The following SF3B6 variants were observed in gnomAD, a reference collection of about 807,000 sequenced individuals.
SF3B6 encodes SF3b 14 kDa subunit.
A neutral mutation model predicts 15.9 loss-of-function variants in SF3B6; 3 were observed. The ratio of observed to expected loss-of-function variants is 0.19; its 90% CI spans 0.09 to 0.49. SF3B6 has a LOEUF of 0.49. Ranked by LOEUF, SF3B6 falls within the 20% of genes least tolerant of loss-of-function variation. The pLI, the probability that SF3B6 is intolerant of heterozygous loss-of-function variation, is 0.97. For synonymous variants in SF3B6, 49 were observed against 51.1 expected, an observed-to-expected ratio of 0.96 and a Z score of 0.18; for missense variants, 71 against 154.3, an observed-to-expected ratio of 0.46 and a Z score of 2.86.
chr2:24,072,017 C>T (rs1285968553), intron 2 of SF3B6, among the ~76,000 whole-genome samples: 1 of 152,190 alleles, frequency 6.6e-6, no homozygotes, highest in East Asian at 1.9e-4. Flanking sequence ...GGATCTCACT[C>T]TGTCGCCCAG....
chr2:24,071,322 C>T (rs13392758), intron 2 of SF3B6, among the ~76,000 whole-genome samples: 6 of 152,156 alleles, frequency 3.9e-5, no homozygotes, highest in Non-Finnish European at 5.9e-5. Flanking sequence ...AGAAATGTTT[C>T]GGCTTGGCAC....
At chr2:24,069,876 A>G (rs780060611) in intron 2 of SF3B6, among the ~76,000 whole-genome samples, 3 of 152,224 alleles carry the variant, frequency 2.0e-5, no homozygotes, top group East Asian at 1.9e-4. Context: ...TAAAAACTTA[A>G]TAAGATTTTC....
intron 2 of SF3B6, among the ~76,000 whole-genome samples, chr2:24,072,046 G>C (rs992338753): frequency 4.6e-5 from 7 of 152,120 alleles, no homozygotes; most frequent in African/African-American, 1.7e-4. Context: ...GCAGTGGCAT[G>C]ATCTCGGCTC....
At chr2:24,072,510 C>T (rs1664673456) in intron 2 of SF3B6, among the ~76,000 whole-genome samples, 1 of 152,166 alleles carries the variant, frequency 6.6e-6, no homozygotes, top group Admixed American at 6.6e-5. Flanking sequence ...GGCTAATGTA[C>T]ACTGGGAAGG....
intron 3 of SF3B6, 103 bp from the exon 4 acceptor site, chr2:24,067,954 T>A (rs1033963801): frequency 1.1e-5 from 10 of 929,806 alleles, no homozygotes; most frequent in Non-Finnish European, 1.6e-5. Context: ...ACATATATCA[T>A]CACAGTACAG....
chr2:24,075,526 G>A (rs919864445), intron 1 of SF3B6, among the ~76,000 whole-genome samples: 4 of 151,200 alleles, frequency 2.6e-5, no homozygotes, highest in Admixed American at 6.6e-5. Flanking sequence ...ACCTCACTCG[G>A]CCTAACTTCA....
intron 2 of SF3B6, among the ~76,000 whole-genome samples, chr2:24,071,052 G>T (rs1664644504): frequency 6.6e-6 from 1 of 152,054 alleles, no homozygotes. Flanking sequence ...GAGTACAGTG[G>T]CATGATCTTG....
Position 24,067,604 on chromosome 2 carries a change from G to GT in SF3B6, c.*157dup. On this transcript the variant is annotated 3_prime_UTR_variant, in exon 4 of 4. Coordinates refer to ENST00000233468, the MANE Select transcript of SF3B6 (RefSeq NM_016047.4). ...TGAGGTGTTTCACAAAAAGCTACAA[G>GT]TTTATTAACATAATGTATTCCAATA... The GT allele has an allele frequency of 1.7e-6, 1 of 587,434 alleles. No individual in the cohort carries two copies. The highest frequency in any genetic ancestry group is 2.9e-6 in the Non-Finnish European group (1 of 339,988). The allele number at this position is 587,434 out of a possible 1,614,324, so 36.4% of individuals were successfully genotyped here.
intron 2 of SF3B6, among the ~76,000 whole-genome samples, chr2:24,070,261 GAC>G (rs1664633319): frequency 6.6e-6 from 1 of 152,110 alleles, no homozygotes; most frequent in African/African-American, 2.4e-5. Flanking sequence ...ATTTTTTTGA[GAC>G]AGAGTCAACC....
intron 2 of SF3B6, among the ~76,000 whole-genome samples, chr2:24,071,391 G>A (rs544474437): frequency 6.6e-5 from 10 of 152,166 alleles, no homozygotes; most frequent in Admixed American, 5.2e-4. Flanking sequence ...GATCACCTGA[G>A]GTCAGGAGTT....
At chr2:24,071,790 TAGA>T (rs986293533) in intron 2 of SF3B6, among the ~76,000 whole-genome samples, 1 of 152,010 alleles carries the variant, frequency 6.6e-6, no homozygotes, top group Non-Finnish European at 1.5e-5. Flanking sequence ...ACAAGGAAAA[TAGA>T]AGCACAAAGG....
chr2:24,074,210 C>T lies in SF3B6; in HGVS notation c.31-16G>A, dbSNP rs745611966. 2.0e-5 allele frequency: 27 copies of T among 1,357,634 alleles called. No individual in the cohort carries two copies. Among genetic ancestry groups the T allele is most frequent in the Admixed American group, 5.5e-5 (3 of 54,460 alleles). 84.1% of individuals were successfully genotyped at this position (1,357,634 alleles called of 1,614,324 possible). On this transcript the variant is annotated splice_polypyrimidine_tract_variant and intron_variant, in intron 1 of 3. Coordinates refer to ENST00000233468, the MANE Select transcript of SF3B6 (RefSeq NM_016047.4). The stretch of plus-strand genomic sequence containing the variant: ...GAAGTCGAATCTAAAATGAGAAATA[C>T]GTATTGTTATTATAATTAGGGGCAT...
chr2:24,070,145 C>T (rs1664631152), intron 2 of SF3B6, among the ~76,000 whole-genome samples: 1 of 152,140 alleles, frequency 6.6e-6, no homozygotes, highest in Admixed American at 6.6e-5. Flanking sequence ...GTGTCCCAGC[C>T]CTAATTATCA....
chr2:24,074,974 C>A (rs887595161), intron 1 of SF3B6, among the ~76,000 whole-genome samples: 1 of 151,676 alleles, frequency 6.6e-6, no homozygotes, highest in Non-Finnish European at 1.5e-5. Context: ...ACTAAAAATA[C>A]AAAAATTAGC....
chr2:24,074,010 G>A (rs142844862), intron 2 of SF3B6, 66 bp downstream of exon 2: 201 of 1,048,998 alleles, frequency 1.9e-4, no homozygotes, highest in Non-Finnish European at 2.7e-4. Flanking sequence ...TGGCCTCATC[G>A]TCAGCTATAA....
intron 2 of SF3B6, 91 bp downstream of exon 2, chr2:24,073,985 G>T: frequency 1.2e-6 from 1 of 811,234 alleles, no homozygotes; most frequent in Non-Finnish European, 2.1e-6. Context: ...TTGTCGCACT[G>T]CACACAGCAC....
chr2:24,071,279 C>T (rs1385745298), intron 2 of SF3B6, among the ~76,000 whole-genome samples: 1 of 152,362 alleles, frequency 6.6e-6, no homozygotes, highest in African/African-American at 2.4e-5. Context: ...GCGTGAGCCA[C>T]TGCGCCCAGC....
chr2:24,067,805 A>C lies in SF3B6; in HGVS notation c.335T>G (p.Leu112Arg). Residue 112 changes from leucine to arginine, a missense_variant, in exon 4 of 4, where the codon CTT (leucine) becomes CGT (arginine). Physicochemically the swap from Leu to Arg is moderately radical, Grantham distance 102. This residue lies in a region of SF3B6 where 52 missense variants were observed against 113.2 expected (regional missense o/e 0.46). Coordinates refer to ENST00000233468, the MANE Select transcript of SF3B6 (RefSeq NM_016047.4). ...DTKKKEEQLKLLKEKYGINTD... is the reference protein window; with the variant it reads ...DTKKKEEQLKRLKEKYGINTD... ...GTTGATGCCATATTTCTCCTTGAGA[A>C]GCTTCAACTGTTCCTCCTTCTTCTT... is the stretch of plus-strand genomic sequence containing the variant. 1 of 1,614,130 alleles carries C rather than the reference A, an allele frequency of 6.2e-7. No homozygotes were observed. The highest frequency in any genetic ancestry group is 8.5e-7 in the Non-Finnish European group (1 of 1,180,006).
chr2:24,072,121 C>T (rs1664661338), intron 2 of SF3B6, among the ~76,000 whole-genome samples: 1 of 152,008 alleles, frequency 6.6e-6, no homozygotes, highest in African/African-American at 2.4e-5. Context: ...TGAGTAATTG[C>T]ATTACAGGCG....
Sources: allele counts gnomAD v4.1 joint callset (sites outside exome capture counted in the v4.1 genomes callset), GRCh38; gene constraint gnomAD v4.1.1; regional missense constraint gnomAD v4.1.1; transcripts MANE v1.5; gene names NCBI Gene and HGNC (gene_info 2026-07-23, HGNC 2026-07-21).